GULP1: variants seen among roughly 807,000 people sequenced by gnomAD.
GULP1 encodes PTB domain-containing engulfment adapter protein 1.
Under a neutral mutation model 40.9 loss-of-function variants are expected in GULP1, and 19 were observed. That is an observed-to-expected ratio of 0.46 (90% CI 0.32 to 0.68). The LOEUF (loss-of-function observed/expected upper bound fraction) is 0.68. GULP1 is among the 30% of genes least tolerant of loss of function. GULP1 has a pLI of 0.03. For missense variants in GULP1, 312 were observed against 362.2 expected, an observed-to-expected ratio of 0.86 and a Z score of 1.12; for synonymous variants, 119 against 117.6, an observed-to-expected ratio of 1.01 and a Z score of -0.08.
chr2:188,308,621 G>A (rs1252458792), intron 1 of GULP1, among the ~76,000 whole-genome samples: 1 of 152,126 alleles, frequency 6.6e-6, no homozygotes, highest in Non-Finnish European at 1.5e-5. Context: ...TGTATAGTCC[G>A]TAAGATGTTA....
At chr2:188,539,936 T>G (rs2153310781) in intron 6 of GULP1, among the ~76,000 whole-genome samples, 1 of 152,208 alleles carries the variant, frequency 6.6e-6, no homozygotes, top group South Asian at 2.1e-4. Context: ...CAGTGTAAAT[T>G]TTTATAGCAA....
intron 2 of GULP1, among the ~76,000 whole-genome samples, chr2:188,409,774 A>G (rs2053621389): frequency 6.6e-6 from 1 of 152,164 alleles, no homozygotes; most frequent in Non-Finnish European, 1.5e-5. Context: ...TCAAGTGGGA[A>G]TTTGTTTGGT....
intron 2 of GULP1, among the ~76,000 whole-genome samples, chr2:188,400,131 G>A (rs973957794): frequency 2.0e-5 from 3 of 152,216 alleles, no homozygotes; most frequent in East Asian, 3.9e-4. Flanking sequence ...GGCTCTAGGG[G>A]AGGATCCTTC....
chr2:188,528,457 T>C (rs1279914093), intron 5 of GULP1, among the ~76,000 whole-genome samples: 2 of 151,918 alleles, frequency 1.3e-5, no homozygotes, highest in African/African-American at 4.8e-5. Context: ...TACATACACC[T>C]ACTAACTCAA....
At chr2:188,568,868 CT>C (rs1698410109) in intron 7 of GULP1, among the ~76,000 whole-genome samples, 1 of 152,114 alleles carries the variant, frequency 6.6e-6, no homozygotes, top group Non-Finnish European at 1.5e-5. Flanking sequence ...ATTTGGCACT[CT>C]GCTTTCATTT....
intron 1 of GULP1, among the ~76,000 whole-genome samples, chr2:188,318,013 G>A (rs1381505362): frequency 6.6e-6 from 1 of 151,878 alleles, no homozygotes; most frequent in African/African-American, 2.4e-5. Flanking sequence ...ATTGTAAATT[G>A]CCCTAATTGA....
At chr2:188,337,460 A>G (rs895943748) in intron 1 of GULP1, among the ~76,000 whole-genome samples, 2 of 149,220 alleles carry the variant, frequency 1.3e-5, no homozygotes, top group African/African-American at 5.0e-5. Context: ...TTTTGCATCT[A>G]GAATGCAGGC....
chr2:188,401,959 A>G (rs567634573), intron 2 of GULP1, among the ~76,000 whole-genome samples: 2 of 152,312 alleles, frequency 1.3e-5, no homozygotes, highest in South Asian at 2.1e-4. Context: ...TGGAATGCAA[A>G]GCTAAAGCTT....
intron 2 of GULP1, among the ~76,000 whole-genome samples, chr2:188,413,475 A>G (rs2054178577): frequency 6.6e-6 from 1 of 152,210 alleles, no homozygotes; most frequent in Admixed American, 6.5e-5. Context: ...TTTTGGCTGC[A>G]TAAATGTCCT....
chr2:188,491,096 C>G (rs1227121118), intron 4 of GULP1, among the ~76,000 whole-genome samples: 3 of 151,808 alleles, frequency 2.0e-5, no homozygotes, highest in Admixed American at 2.0e-4. Context: ...CCATGCCTAG[C>G]CGAAATAATT....
chr2:188,410,838 A>T (rs2053776451), intron 2 of GULP1, among the ~76,000 whole-genome samples: 1 of 152,206 alleles, frequency 6.6e-6, no homozygotes, highest in Admixed American at 6.5e-5. Context: ...ACAGACCTTC[A>T]TGGAAGGCTG....
At chr2:188,424,513 G>C (rs762884993) in intron 2 of GULP1, among the ~76,000 whole-genome samples, 1 of 151,704 alleles carries the variant, frequency 6.6e-6, no homozygotes, top group Non-Finnish European at 1.5e-5. Flanking sequence ...AAATATTTCT[G>C]TGTGAATTTC....
In GULP1 at chr2:188,367,026, T is replaced by C. The variant is rs80333692; in HGVS notation, c.-171-16737T>C. 3.0e-3 allele frequency among the ~76,000 whole-genome samples: 463 copies of C among 152,386 alleles called. 1 individual carries two copies. Among genetic ancestry groups the C allele is most frequent in the Middle Eastern group, 6.8e-3 (2 of 294 alleles). On this transcript the variant is annotated intron_variant, in intron 1 of 11. Coordinates refer to ENST00000409830, the MANE Select transcript of GULP1 (RefSeq NM_016315.4). Reference sequence around the variant, plus strand: ...ATAGAAGTGCACATATTTTTATTTGTTGTAGTAACAAATGGATGTTTTTAC... The same window carrying C: ...ATAGAAGTGCACATATTTTTATTTGCTGTAGTAACAAATGGATGTTTTTAC...
intron 6 of GULP1, among the ~76,000 whole-genome samples, chr2:188,535,523 C>T (rs1029625796): frequency 4.6e-5 from 7 of 151,940 alleles, no homozygotes; most frequent in Non-Finnish European, 8.8e-5. Flanking sequence ...TGATTTTGTT[C>T]TTTTTGTGGC....
intron 1 of GULP1, among the ~76,000 whole-genome samples, chr2:188,349,401 A>G (rs1339508642): frequency 6.6e-6 from 1 of 152,126 alleles, no homozygotes; most frequent in African/African-American, 2.4e-5. Flanking sequence ...CATGCTTGCC[A>G]ATACTTGTTA....
intron 4 of GULP1, among the ~76,000 whole-genome samples, chr2:188,504,438 A>G (rs1213100197): frequency 2.0e-5 from 3 of 151,926 alleles, no homozygotes; most frequent in Non-Finnish European, 2.9e-5. Context: ...TCATGGTTTT[A>G]TAAATTAAAT....
At chr2:188,341,446 A>G (rs2042954569) in intron 1 of GULP1, among the ~76,000 whole-genome samples, 1 of 152,134 alleles carries the variant, frequency 6.6e-6, no homozygotes, top group African/African-American at 2.4e-5. Context: ...ATTGGGGATT[A>G]TAATTCAACA....
At chr2:188,470,499 A>G (rs2060499161) in intron 2 of GULP1, among the ~76,000 whole-genome samples, 1 of 152,182 alleles carries the variant, frequency 6.6e-6, no homozygotes, top group East Asian at 1.9e-4. Flanking sequence ...AAGATGTATC[A>G]TTAGGTTGTT....
At chr2:188,560,698 A>G (rs940549358) in intron 7 of GULP1, among the ~76,000 whole-genome samples, 2 of 152,190 alleles carry the variant, frequency 1.3e-5, no homozygotes, top group Admixed American at 6.5e-5. Context: ...TACAGGAAGC[A>G]TGATGCTGGC....
Sources: gnomAD v4.1 joint callset for allele counts (sites outside exome capture counted in the v4.1 genomes callset) on GRCh38, gnomAD v4.1.1 for gene constraint, MANE v1.5 for transcripts, NCBI Gene and HGNC (gene_info 2026-07-23, HGNC 2026-07-21) for gene names.